Variants in SEM1 observed in about 807,000 individuals in gnomAD.
The protein encoded by SEM1 is 26S proteasome complex subunit SEM1.
A neutral mutation model predicts 12.7 loss-of-function variants in SEM1; 3 were observed. That is an observed-to-expected ratio of 0.24 (90% CI 0.11 to 0.61). The LOEUF (loss-of-function observed/expected upper bound fraction) is 0.61, where lower values mean the gene tolerates loss of function less well. Ranked by LOEUF, SEM1 falls within the 20% of genes least tolerant of loss-of-function variation. The probability of loss-of-function intolerance (pLI) is 0.88; values close to 1 mark genes in which losing one functional copy is unlikely to be tolerated. For synonymous variants in SEM1, 30 were observed against 27.8 expected (o/e 1.08, Z -0.25); for missense variants, 59 against 81.3 (o/e 0.73, Z 1.06).
At chr7:96,509,354 A>C (rs1187471861) in intron 2 of SEM1, among the ~76,000 whole-genome samples, 1 of 151,890 alleles carries the variant, frequency 6.6e-6, no homozygotes, top group African/African-American at 2.4e-5. Context: ...AATTGCCAAG[A>C]TCCCCATTTA....
At chr7:96,668,478 G>A (rs1789227388), downstream of SEM1, among the ~76,000 whole-genome samples, 1 of 152,124 alleles carries the variant, frequency 6.6e-6, no homozygotes, top group Non-Finnish European at 1.5e-5. Context: ...ACTTTAAATA[G>A]TGTGTTTCAT....
At chr7:96,632,233 T>C (rs1808284460) in intron 2 of SEM1, among the ~76,000 whole-genome samples, 1 of 152,234 alleles carries the variant, frequency 6.6e-6, no homozygotes, top group African/African-American at 2.4e-5. Context: ...TAAGTCATTC[T>C]ACTATAAAGA....
rs114126328 is a variant in SEM1, at chr7:96,614,465, C to T, written c.170+80333G>A. 3.1e-3 allele frequency among the ~76,000 whole-genome samples: 478 copies of T among 152,346 alleles called. 2 individuals carry two copies. Among genetic ancestry groups the T allele is most frequent in the African/African-American group, 0.011 (458 of 41,570 alleles). ...GCTTCAAGATGAACTGTGAATACAA[C>T]GATCCATGCACTCAGGCAGCAAGAA... is the stretch of plus-strand genomic sequence containing the variant. On this transcript the variant is annotated intron_variant and NMD_transcript_variant, in intron 2 of 3. Coordinates refer to the SEM1 transcript ENST00000466986.
At chr7:96,523,443 G>A (rs4437577) in intron 2 of SEM1, among the ~76,000 whole-genome samples, 7,865 of 152,048 alleles carry the variant, frequency 0.052, 675 homozygotes, top group African/African-American at 0.18. Flanking sequence ...TTTACCTGAG[G>A]AGTGCAAAAT....
intron 2 of SEM1, among the ~76,000 whole-genome samples, chr7:96,535,355 T>G (rs770977951): frequency 2.0e-5 from 3 of 151,928 alleles, no homozygotes; most frequent in Non-Finnish European, 4.4e-5. Flanking sequence ...ACTTTGTGTT[T>G]TTTTCTTTTC....
intron 2 of SEM1, among the ~76,000 whole-genome samples, chr7:96,613,300 G>A (rs887867532): frequency 6.6e-5 from 10 of 152,078 alleles, no homozygotes; most frequent in Non-Finnish European, 1.3e-4. Context: ...AAATGTATCC[G>A]TTCATGGATT....
intron 2 of SEM1, among the ~76,000 whole-genome samples, chr7:96,523,880 A>G (rs529283324): frequency 5.6e-4 from 86 of 152,234 alleles, no homozygotes; most frequent in African/African-American, 2.0e-3. Context: ...CTCTTATCAG[A>G]TGATGCATCT....
intron 2 of SEM1, among the ~76,000 whole-genome samples, chr7:96,557,205 T>C (rs1157843309): frequency 2.0e-5 from 3 of 151,558 alleles, no homozygotes; most frequent in East Asian, 4.0e-4. Flanking sequence ...AAAGTCATTC[T>C]CTATCCAGCT....
At chr7:96,657,980 T>C (rs1563100920) in intron 2 of SEM1, among the ~76,000 whole-genome samples, 1 of 152,342 alleles carries the variant, frequency 6.6e-6, no homozygotes, top group East Asian at 1.9e-4. Context: ...TGACAGGGTC[T>C]TTCTTCCTCA....
At chr7:96,596,314 A>G (rs6949227) in intron 2 of SEM1, among the ~76,000 whole-genome samples, 3,792 of 152,308 alleles carry the variant, frequency 0.025, 132 homozygotes, top group African/African-American at 0.087. Context: ...AGTAATTACC[A>G]TAATGAGCCA....
chr7:96,693,228 AC>A (rs1789981099), intron 2 of SEM1, among the ~76,000 whole-genome samples: 1 of 152,108 alleles, frequency 6.6e-6, no homozygotes, highest in South Asian at 2.1e-4. Context: ...AGACTGGAAT[AC>A]ATATATCTTC....
intron 2 of SEM1, among the ~76,000 whole-genome samples, chr7:96,549,013 T>C (rs926962399): frequency 1.3e-5 from 2 of 152,150 alleles, no homozygotes; most frequent in Admixed American, 1.3e-4. Context: ...ACCTGGGCTG[T>C]CTAGGGAAGA....
rs554886126 is a variant in SEM1 at position 96,564,837 on chromosome 7, A to G, written c.171-58139T>C. The stretch of plus-strand genomic sequence containing the variant: ...GAAAATATTGATAGAAAACCAAGAA[A>G]ACTTATATGGTAAGTCTATTTTTCA... On this transcript the variant is annotated intron_variant and NMD_transcript_variant, in intron 2 of 3. Transcript: ENST00000466986. Among the ~76,000 whole-genome samples, 13 of 152,162 alleles carry G rather than the reference A, an allele frequency of 8.5e-5. No individual in the cohort carries two copies. The East Asian group carries it at 2.1e-3, about 25-fold the overall frequency.
intron 2 of SEM1, among the ~76,000 whole-genome samples, chr7:96,665,898 C>T (rs550273874): frequency 3.3e-5 from 5 of 152,200 alleles, no homozygotes; most frequent in Non-Finnish European, 7.3e-5. Context: ...GATACCAGCC[C>T]TGCAGATGAG....
intron 2 of SEM1, among the ~76,000 whole-genome samples, chr7:96,594,555 T>C (rs1425057413): frequency 6.6e-6 from 1 of 152,226 alleles, no homozygotes; most frequent in East Asian, 1.9e-4. Context: ...GCAGATTGTT[T>C]TTTATAACTC....
At chr7:96,584,958 T>G (rs913107648) in intron 2 of SEM1, among the ~76,000 whole-genome samples, 4 of 151,446 alleles carry the variant, frequency 2.6e-5, no homozygotes, top group African/African-American at 9.7e-5. Context: ...GAAGCCTTCT[T>G]CTCTCAGCTC....
intron 2 of SEM1, among the ~76,000 whole-genome samples, chr7:96,545,186 G>C (rs1019501983): frequency 4.6e-5 from 7 of 151,948 alleles, no homozygotes; most frequent in African/African-American, 1.7e-4. Flanking sequence ...TGATCCCAAA[G>C]AAAATCTGAC....
chr7:96,685,406 T>A (rs1210177225), downstream of SEM1, among the ~76,000 whole-genome samples: 1 of 152,136 alleles, frequency 6.6e-6, no homozygotes, highest in Admixed American at 6.6e-5. Context: ...CAATAAAAAC[T>A]TCTACCATGG....
intron 2 of SEM1, among the ~76,000 whole-genome samples, chr7:96,558,476 G>T (rs1458738577): frequency 1.3e-5 from 2 of 152,022 alleles, no homozygotes; most frequent in African/African-American, 4.8e-5. Context: ...AGTAAACTTA[G>T]ATCAGTGCAC....
Sources: allele counts gnomAD v4.1 joint callset (sites outside exome capture counted in the v4.1 genomes callset), GRCh38; gene constraint gnomAD v4.1.1; transcripts MANE v1.5; gene names NCBI Gene and HGNC (gene_info 2026-07-23, HGNC 2026-07-21).